The following GSK3B variants were observed in gnomAD, a reference collection of about 807,000 sequenced individuals.
GSK3B encodes the protein glycogen synthase kinase 3 beta.
A neutral mutation model predicts 56.4 loss-of-function variants in GSK3B; 15 were observed. The ratio of observed to expected loss-of-function variants is 0.27; its 90% CI spans 0.18 to 0.41. GSK3B has a LOEUF of 0.41. Among genes scored for constraint, GSK3B ranks in the 10% least tolerant of loss-of-function variants. The pLI, the probability that GSK3B is intolerant of heterozygous loss-of-function variation, is 1.00. For missense variants in GSK3B, 300 were observed against 513.4 expected, an observed-to-expected ratio of 0.58 and a Z score of 4.02; for synonymous variants, 181 against 188.9, an observed-to-expected ratio of 0.96 and a Z score of 0.34.
rs538040539 is a variant in GSK3B, at chr3:120,003,474, T to C, written c.89-1235A>G. Among the ~76,000 whole-genome samples the C allele has an allele frequency of 1.2e-4, 18 of 152,358 alleles. No homozygotes were observed. In the East Asian group the frequency reaches 2.7e-3, roughly 23 times the overall value. On this transcript the variant is annotated intron_variant, in intron 1 of 10. Transcript: ENST00000264235. The stretch of plus-strand genomic sequence containing the variant: ...TCTAAAACCAATTCTCAGTACAATA[T>C]AAGTCCTTAGGCTCACTTATTGGAC...
At chr3:119,995,737 ATTT>A (rs138237628) in intron 2 of GSK3B, among the ~76,000 whole-genome samples, 32 of 130,566 alleles carry the variant, frequency 2.5e-4, no homozygotes, top group African/African-American at 8.2e-4. Flanking sequence ...GCCTGAAATA[ATTT>A]TTTTTTTTTT....
At chr3:119,964,235 T>C (rs1334434435) in intron 2 of GSK3B, among the ~76,000 whole-genome samples, 7 of 152,152 alleles carry the variant, frequency 4.6e-5, no homozygotes, top group African/African-American at 1.7e-4. Flanking sequence ...AACAGGCATA[T>C]GCAAAAAGAC....
intron 1 of GSK3B, among the ~76,000 whole-genome samples, chr3:120,091,085 C>T (rs1288836655): frequency 1.3e-5 from 2 of 152,138 alleles, no homozygotes; most frequent in South Asian, 2.1e-4. Flanking sequence ...CAGTCTCACC[C>T]CTTTACTCTT....
At chr3:120,037,123 T>C (rs2058029645) in intron 1 of GSK3B, among the ~76,000 whole-genome samples, 1 of 152,198 alleles carries the variant, frequency 6.6e-6, no homozygotes, top group Admixed American at 6.5e-5. Context: ...AAATACTCCT[T>C]ATTCACTAGC....
chr3:119,984,616 AG>A (rs2057496955), intron 2 of GSK3B, among the ~76,000 whole-genome samples: 1 of 152,234 alleles, frequency 6.6e-6, no homozygotes, highest in East Asian at 1.9e-4. Flanking sequence ...AAAATCAAGA[AG>A]AAACAGATAA....
chr3:119,976,092 T>C (rs556814820), intron 2 of GSK3B, among the ~76,000 whole-genome samples: 4 of 152,286 alleles, frequency 2.6e-5, no homozygotes, highest in East Asian at 1.9e-4. Context: ...TGCAGAGAAA[T>C]TGCAATGCTC....
chr3:119,961,582 T>C (rs902298794), intron 2 of GSK3B, among the ~76,000 whole-genome samples: 4 of 148,194 alleles, frequency 2.7e-5, no homozygotes, highest in East Asian at 2.0e-4. Flanking sequence ...GAGCTGAGAT[T>C]GGGCCACTGC....
chr3:119,944,485 T>C (rs1221824773), intron 3 of GSK3B, among the ~76,000 whole-genome samples: 3 of 152,188 alleles, frequency 2.0e-5, no homozygotes, highest in Admixed American at 2.0e-4. Flanking sequence ...ACTGGTTTCC[T>C]TGCAGTTCTT....
At chr3:120,075,558 T>C (rs1378443170) in intron 1 of GSK3B, among the ~76,000 whole-genome samples, 3 of 152,056 alleles carry the variant, frequency 2.0e-5, no homozygotes, top group Non-Finnish European at 4.4e-5. Context: ...AAAATCAACA[T>C]AAAAAATTCA....
intron 2 of GSK3B, among the ~76,000 whole-genome samples, chr3:119,963,300 T>C (rs985793183): frequency 1.3e-5 from 2 of 152,172 alleles, no homozygotes; most frequent in African/African-American, 2.4e-5. Context: ...ACAACCCCTA[T>C]CAAAATCCTA....
intron 1 of GSK3B, among the ~76,000 whole-genome samples, chr3:120,054,035 T>C (rs2058172758): frequency 6.6e-6 from 1 of 152,210 alleles, no homozygotes; most frequent in African/African-American, 2.4e-5. Flanking sequence ...ATATATTCTT[T>C]GATACCGGCA....
chr3:119,940,757 G>A (rs571042143), intron 3 of GSK3B, among the ~76,000 whole-genome samples: 32 of 151,992 alleles, frequency 2.1e-4, no homozygotes, highest in African/African-American at 6.5e-4. Context: ...TAGCTCCCTC[G>A]AAAAAATGCA....
rs61257840 is a variant in GSK3B, at chr3:120,060,511, G to A, written c.88+32836C>T. ...GGGAGCCGAGGCGGGAGAATCACTG[G>A]AGCCCAGGAGGTCAAGAACAACTTG... On this transcript the variant is annotated intron_variant, in intron 1 of 10. Transcript: ENST00000264235. Among the ~76,000 whole-genome samples, 675 of 152,150 alleles carry A rather than the reference G, an allele frequency of 4.4e-3. 3 individuals carry two copies. Among genetic ancestry groups the A allele is most frequent in the African/African-American group, 0.014 (586 of 41,478 alleles).
chr3:120,032,827 C>T (rs1399143384), intron 1 of GSK3B, among the ~76,000 whole-genome samples: 1 of 152,142 alleles, frequency 6.6e-6, no homozygotes, highest in African/African-American at 2.4e-5. Context: ...GTCCCTTATC[C>T]TTGTAATAAT....
chr3:120,079,345 CACACATTTT>C lies in GSK3B; in HGVS notation c.88+13993_88+14001del, dbSNP rs1424380632. 7.6e-4 allele frequency among the ~76,000 whole-genome samples: 81 copies of C among 106,220 alleles called. 1 individual carries two copies. In the South Asian group the frequency reaches 0.023, roughly 30 times the overall value. The allele number at this position is 106,220 out of a possible 152,430, so 69.7% of individuals were successfully genotyped here. A position where few individuals can be genotyped will look rare whatever the true frequency, so the allele number is the denominator to read the frequency against. Reference sequence around the variant, plus strand: ...ACACACACACACACACACACACACACACACATTTTTTTTTTTAATAAGTAGACTACTGCC... The same window carrying C: ...ACACACACACACACACACACACACACTTTTTTTAATAAGTAGACTACTGCC... On this transcript the variant is annotated intron_variant, in intron 1 of 10. Transcript: ENST00000264235.
At chr3:119,942,296 ATTTTTAT>A (rs970714531) in intron 3 of GSK3B, among the ~76,000 whole-genome samples, 1 of 151,984 alleles carries the variant, frequency 6.6e-6, no homozygotes, top group Admixed American at 6.6e-5. Context: ...CACAGTTTTT[ATTTTTAT>A]TTTTTATTTT....
At chr3:119,852,797 A>T (rs1015547478) in intron 9 of GSK3B, among the ~76,000 whole-genome samples, 3 of 152,132 alleles carry the variant, frequency 2.0e-5, no homozygotes, top group Non-Finnish European at 4.4e-5. Flanking sequence ...AAATTTGTTT[A>T]AGTTCTTTGT....
chr3:119,837,412 G>A (rs1414081877), intron 10 of GSK3B, among the ~76,000 whole-genome samples: 1 of 150,376 alleles, frequency 6.6e-6, no homozygotes. Context: ...TGATCCACCC[G>A]CCTCGGCCTC....
At chr3:120,017,872 C>T (rs1216721635) in intron 1 of GSK3B, among the ~76,000 whole-genome samples, 2 of 152,190 alleles carry the variant, frequency 1.3e-5, no homozygotes, top group Non-Finnish European at 2.9e-5. Context: ...CAGGCTTCTA[C>T]TATACTTTGG....
Sources: allele counts gnomAD v4.1 joint callset (sites outside exome capture counted in the v4.1 genomes callset), GRCh38; gene constraint gnomAD v4.1.1; transcripts MANE v1.5; gene names NCBI Gene and HGNC (gene_info 2026-07-23, HGNC 2026-07-21).